Variants in NALCN observed in about 807,000 individuals in gnomAD.
NALCN encodes sodium leak channel NALCN.
A neutral mutation model predicts 225.3 loss-of-function variants in NALCN; 111 were observed. That is an observed-to-expected ratio of 0.49 (90% CI 0.42 to 0.58). NALCN has a LOEUF of 0.58. Among genes scored for constraint, NALCN ranks in the 20% least tolerant of loss-of-function variants. The pLI is 0.00. For synonymous variants in NALCN, 764 were observed against 769.0 expected (o/e 0.99, Z 0.11); for missense variants, 1,378 against 2,202.4 (o/e 0.63, Z 7.49).
At chr13:101,281,311 C>A (rs2043160693) in intron 10 of NALCN, among the ~76,000 whole-genome samples, 1 of 152,178 alleles carries the variant, frequency 6.6e-6, no homozygotes, top group Non-Finnish European at 1.5e-5. Flanking sequence ...TTCCCTCCCA[C>A]TCTCAAGCAT....
intron 6 of NALCN, among the ~76,000 whole-genome samples, chr13:101,374,978 A>G (rs1387635404): frequency 6.6e-6 from 1 of 152,264 alleles, no homozygotes; most frequent in Non-Finnish European, 1.5e-5. Flanking sequence ...AATGACCATT[A>G]TAAATGTGAA....
intron 13 of NALCN, among the ~76,000 whole-genome samples, chr13:101,207,547 T>G (rs909174409): frequency 6.6e-6 from 1 of 152,262 alleles, no homozygotes. Context: ...GAAAATGTTT[T>G]GATACATAGT....
intron 7 of NALCN, among the ~76,000 whole-genome samples, chr13:101,319,759 T>A (rs1423772180): frequency 1.3e-5 from 2 of 152,214 alleles, no homozygotes; most frequent in African/African-American, 4.8e-5. Flanking sequence ...CAAACAAGGC[T>A]GAATTTAGAT....
intron 15 of NALCN, among the ~76,000 whole-genome samples, chr13:101,162,629 C>T (rs1015573631): frequency 6.6e-6 from 1 of 152,198 alleles, no homozygotes; most frequent in African/African-American, 2.4e-5. Flanking sequence ...AACTGTCATG[C>T]TTTTCTCTTA....
chr13:101,164,310 G>A (rs1202953105), intron 15 of NALCN, among the ~76,000 whole-genome samples: 2 of 151,972 alleles, frequency 1.3e-5, no homozygotes, highest in Non-Finnish European at 2.9e-5. Flanking sequence ...GGGGGTTGGG[G>A]GGACAGGGTC....
At chr13:101,290,475 G>A (rs1183492053) in intron 9 of NALCN, among the ~76,000 whole-genome samples, 1 of 152,206 alleles carries the variant, frequency 6.6e-6, no homozygotes, top group African/African-American at 2.4e-5. Flanking sequence ...GGAGAGAGGA[G>A]ATGAGAACTT....
intron 6 of NALCN, among the ~76,000 whole-genome samples, chr13:101,369,546 A>G (rs2046479741): frequency 6.6e-6 from 1 of 152,214 alleles, no homozygotes; most frequent in Non-Finnish European, 1.5e-5. Flanking sequence ...GTTTGCCAGC[A>G]TAATGCCTGA....
At chr13:101,404,463 T>C (rs1668859196) in intron 1 of NALCN, among the ~76,000 whole-genome samples, 1 of 152,170 alleles carries the variant, frequency 6.6e-6, no homozygotes, top group African/African-American at 2.4e-5. Context: ...GAAACAAAAA[T>C]GAAAGCCATC....
intron 10 of NALCN, among the ~76,000 whole-genome samples, chr13:101,260,734 A>C (rs969878969): frequency 1.3e-5 from 2 of 152,102 alleles, no homozygotes; most frequent in African/African-American, 4.8e-5. Flanking sequence ...GATTTTTCCT[A>C]TAGAGTTGTT....
At chr13:101,059,449 G>A (rs1001272228) in intron 42 of NALCN, among the ~76,000 whole-genome samples, 1 of 152,032 alleles carries the variant, frequency 6.6e-6, no homozygotes. Context: ...AAATATTTAG[G>A]GCAGAGCTTC....
intron 7 of NALCN, among the ~76,000 whole-genome samples, chr13:101,322,343 T>G (rs2044772527): frequency 6.6e-6 from 1 of 152,224 alleles, no homozygotes; most frequent in South Asian, 2.1e-4. Context: ...TATTTGACAA[T>G]GTACAATGCA....
intron 35 of NALCN, among the ~76,000 whole-genome samples, chr13:101,075,235 T>TAATA (rs2139475283): frequency 6.6e-6 from 1 of 152,036 alleles, no homozygotes; most frequent in South Asian, 2.1e-4. Flanking sequence ...CATTAACAAA[T>TAATA]AATATTAAAA....
At chr13:101,394,232 C>T (rs992450692) in intron 3 of NALCN, among the ~76,000 whole-genome samples, 2 of 152,108 alleles carry the variant, frequency 1.3e-5, no homozygotes, top group Admixed American at 1.3e-4. Flanking sequence ...CCTATTAATG[C>T]ATTGTCTGTG....
chr13:101,155,579 C>T (rs1204600614), intron 15 of NALCN, among the ~76,000 whole-genome samples: 1 of 152,150 alleles, frequency 6.6e-6, no homozygotes, highest in Non-Finnish European at 1.5e-5. Context: ...GGTTAACTGT[C>T]CTTACTTGGG....
intron 7 of NALCN, among the ~76,000 whole-genome samples, chr13:101,328,700 G>A (rs2045052453): frequency 6.6e-6 from 1 of 151,942 alleles, no homozygotes; most frequent in African/African-American, 2.4e-5. Flanking sequence ...GTTAAATATT[G>A]AGAACTCATT....
At position 101,254,613 on chromosome 13, in the gene NALCN, C is replaced by T. The variant is rs1269423819; in HGVS notation, c.1266+3830G>A. ...TTGTTAAGAATGAATGACATGTGGC[C>T]GGGCGCGGTGGCTCACGCCTGTAAT... is the stretch of plus-strand genomic sequence containing the variant. On this transcript the variant is annotated intron_variant, in intron 11 of 43. Transcript: ENST00000251127. Among the ~76,000 whole-genome samples, 3 of 72,644 alleles carry T rather than the reference C, an allele frequency of 4.1e-5. 1 individual carries two copies. In the South Asian group the frequency reaches 1.6e-3, roughly 38 times the overall value. 47.7% of individuals were successfully genotyped at this position (72,644 alleles called of 152,430 possible).
At chr13:101,388,434 A>T (rs9585686) in intron 3 of NALCN, among the ~76,000 whole-genome samples, 58,865 of 151,892 alleles carry the variant, frequency 0.39, 13,240 homozygotes, top group African/African-American at 0.62. Context: ...AAAAAAAAAA[A>T]TTTTGGTTGT....
At chr13:101,229,854 T>A (rs745580692) in intron 12 of NALCN, among the ~76,000 whole-genome samples, 3 of 152,150 alleles carry the variant, frequency 2.0e-5, no homozygotes, top group Non-Finnish European at 4.4e-5. Flanking sequence ...AAAATTAATA[T>A]TTTTCTAACG....
intron 7 of NALCN, among the ~76,000 whole-genome samples, chr13:101,305,548 T>C (rs2044126978): frequency 6.6e-6 from 1 of 152,202 alleles, no homozygotes; most frequent in East Asian, 1.9e-4. Context: ...TACCTCATAC[T>C]GCAAAAAGAG....
Sources: allele counts gnomAD v4.1 joint callset (sites outside exome capture counted in the v4.1 genomes callset), GRCh38; gene constraint gnomAD v4.1.1; transcripts MANE v1.5; gene names NCBI Gene and HGNC (gene_info 2026-07-23, HGNC 2026-07-21).